Variants in JAK1 observed in about 807,000 individuals in gnomAD.
JAK1 encodes tyrosine-protein kinase JAK1.
JAK1 carries 16 observed loss-of-function variants against 136.6 expected under a neutral mutation model. The ratio of observed to expected loss-of-function variants is 0.12; its 90% CI spans 0.08 to 0.18. The LOEUF is 0.18. JAK1 is among the 10% of genes least tolerant of loss of function. The pLI is 1.00. For synonymous variants in JAK1, 492 were observed against 519.5 expected (o/e 0.95, Z 0.72); for missense variants, 859 against 1,450.1 (o/e 0.59, Z 6.62).
chr1:65,038,938 T>TTGTGTGTGTGTGTGTG (rs150814115), intron 2 of JAK1, among the ~76,000 whole-genome samples: 6,064 of 147,766 alleles, frequency 0.041, 172 homozygotes, highest in Admixed American at 0.12. Context: ...GCACCCAGTC[T>TTGTGTGTGTGTGTGTG]TGTGTGTGTG....
At chr1:65,011,340 G>A (rs57484022) in intron 2 of JAK1, among the ~76,000 whole-genome samples, 4,874 of 151,854 alleles carry the variant, frequency 0.032, 289 homozygotes, top group East Asian at 0.28. Flanking sequence ...GCTGGGTGTG[G>A]TAGTGCATGC....
At chr1:64,944,147 A>G (rs912602330) in intron 1 of JAK1, among the ~76,000 whole-genome samples, 1 of 147,834 alleles carries the variant, frequency 6.8e-6, no homozygotes, top group Non-Finnish European at 1.5e-5. Flanking sequence ...GCATGAACCC[A>G]GGAGGCGGAG....
intron 2 of JAK1, among the ~76,000 whole-genome samples, chr1:65,002,051 AC>A (rs1646763283): frequency 6.6e-6 from 1 of 151,656 alleles, no homozygotes; most frequent in African/African-American, 2.4e-5. Context: ...TCTTCCAACT[AC>A]TCCTTACAAT....
At chr1:64,878,848 A>G (rs868398332) in intron 4 of JAK1, among the ~76,000 whole-genome samples, 177 bp downstream of exon 4, 2 of 152,282 alleles carry the variant, frequency 1.3e-5, no homozygotes, top group East Asian at 1.9e-4. Flanking sequence ...GATCAAACTC[A>G]TCTTGAATTG....
chr1:64,954,956 C>T (rs1232197771), intron 1 of JAK1, among the ~76,000 whole-genome samples: 1 of 152,068 alleles, frequency 6.6e-6, no homozygotes, highest in Non-Finnish European at 1.5e-5. Flanking sequence ...CAATAACTTG[C>T]CCGAATTTAT....
chr1:64,851,201 G>A (rs917142499), intron 11 of JAK1, among the ~76,000 whole-genome samples: 2 of 152,186 alleles, frequency 1.3e-5, no homozygotes, highest in Non-Finnish European at 2.9e-5. Context: ...ATCTGTTCTG[G>A]TAAGAAAGGT....
chr1:65,032,058 T>G (rs542590664), intron 2 of JAK1, among the ~76,000 whole-genome samples: 18 of 151,678 alleles, frequency 1.2e-4, no homozygotes, highest in Admixed American at 9.2e-4. Context: ...CTCTGCCTCC[T>G]GGGTTCAAGC....
intron 1 of JAK1, among the ~76,000 whole-genome samples, chr1:64,944,504 T>G (rs940039901): frequency 1.3e-5 from 2 of 152,156 alleles, no homozygotes; most frequent in African/African-American, 4.8e-5. Context: ...AATAATAACA[T>G]ACAAGATTTA....
In JAK1 at chr1:64,857,685, T is replaced by C. The variant is rs750733172; in HGVS notation, c.1429A>G (p.Met477Val). The change falls in exon 10 of 25, where the codon ATG (methionine) becomes GTG (valine). Residue 477 changes from methionine (M) to valine (V), a missense_variant. Met to Val is a conservative substitution (Grantham distance 21). Transcript: ENST00000342505. ...WSCTDFDNIL[M>V]TVTCFEKSEQ... is the part of the protein sequence containing the mutation. ...GACTTCTCAAAGCAGGTGACGGTCA[T>C]GAGGATGTTGTCAAAGTCGGTGCAG... The C allele has an allele frequency of 6.2e-7, 1 of 1,614,198 alleles. No individual in the cohort carries two copies. The highest frequency in any genetic ancestry group is 8.5e-7 in the Non-Finnish European group (1 of 1,180,026).
chr1:64,879,061 T>G lies in JAK1; in HGVS notation c.293A>C (p.Asp98Ala). 1 of 1,614,084 alleles carries G rather than the reference T, an allele frequency of 6.2e-7. No individual in the cohort carries two copies. Among genetic ancestry groups the G allele is most frequent in the Non-Finnish European group, 8.5e-7 (1 of 1,180,000 alleles). ...WYAPNRTITV[D>A]DKMSLRLHYR... Reference sequence around the variant, plus strand: ...GTGGAGCCGGAGGGACATCTTGTCATCAACGGTGATGGTGCGATTTGGAGC... The same window carrying G: ...GTGGAGCCGGAGGGACATCTTGTCAGCAACGGTGATGGTGCGATTTGGAGC... Residue 98 changes from aspartate (D) to alanine (A), a missense_variant, in exon 4 of 25, where the codon GAT (aspartate) becomes GCT (alanine). Around this residue, in one of 4 missense-constraint regions of JAK1, gnomAD observed 353 missense variants for 494.0 expected, o/e 0.71. Coordinates refer to ENST00000342505, the MANE Select transcript of JAK1 (RefSeq NM_002227.4).
chr1:64,893,579 G>T (rs558491989), intron 1 of JAK1, among the ~76,000 whole-genome samples: 2 of 152,170 alleles, frequency 1.3e-5, no homozygotes, highest in African/African-American at 4.8e-5. Context: ...TACTTTACAG[G>T]GTTGTTGTGA....
chr1:65,033,992 A>G (rs1464823396), intron 2 of JAK1, among the ~76,000 whole-genome samples: 1 of 152,240 alleles, frequency 6.6e-6, no homozygotes, highest in East Asian at 1.9e-4. Flanking sequence ...TGCTTAATAA[A>G]TGATAATAGT....
chr1:64,905,246 G>A (rs1645171545), intron 1 of JAK1, among the ~76,000 whole-genome samples: 1 of 152,146 alleles, frequency 6.6e-6, no homozygotes. Context: ...GTGCGAGGAC[G>A]GTGACAGAGA....
chr1:65,061,721 C>T (rs1319111844), intron 1 of JAK1, among the ~76,000 whole-genome samples: 1 of 152,098 alleles, frequency 6.6e-6, no homozygotes, highest in Non-Finnish European at 1.5e-5. Flanking sequence ...GCTCAAATGT[C>T]CAATACTGCT....
chr1:64,969,027 T>C (rs1352137435), upstream of JAK1, among the ~76,000 whole-genome samples: 1 of 151,712 alleles, frequency 6.6e-6, no homozygotes, highest in East Asian at 1.9e-4. Context: ...GGAGGATCAC[T>C]TGAGCCCAGG....
Position 64,839,596 on chromosome 1 carries a change from A to T in JAK1, c.2842+7T>A, listed in dbSNP as rs1654761239. 1 of 1,612,098 alleles carries T rather than the reference A, an allele frequency of 6.2e-7. No homozygotes were observed. Among genetic ancestry groups the T allele is most frequent in the Non-Finnish European group, 8.5e-7 (1 of 1,178,756 alleles). On this transcript the variant is annotated splice_region_variant and intron_variant, in intron 20 of 24. Coordinates refer to ENST00000342505, the MANE Select transcript of JAK1 (RefSeq NM_002227.4). ...TTTAAACCGGACCCCAGCCTTGCAT[A>T]ACATACCGTCTTCTGTGCAGATTCC...
chr1:64,847,496 A>T, intron 13 of JAK1, 36 bp downstream of exon 13: 5 of 1,612,020 alleles, frequency 3.1e-6, no homozygotes, highest in Non-Finnish European at 4.2e-6. Flanking sequence ...CAGAAACGGG[A>T]GAGGGGAGGG....
At chr1:65,017,326 G>A (rs2100783596) in intron 2 of JAK1, among the ~76,000 whole-genome samples, 1 of 152,124 alleles carries the variant, frequency 6.6e-6, no homozygotes, top group Admixed American at 6.5e-5. Context: ...AAAATTAGCT[G>A]GGCATGGTGG....
At chr1:65,025,871 G>C (rs1646973941) in intron 2 of JAK1, among the ~76,000 whole-genome samples, 1 of 151,976 alleles carries the variant, frequency 6.6e-6, no homozygotes. Context: ...TAGAGATGGG[G>C]TTTTGCCATG....
Sources: allele counts gnomAD v4.1 joint callset (sites outside exome capture counted in the v4.1 genomes callset), GRCh38; gene constraint gnomAD v4.1.1; regional missense constraint gnomAD v4.1.1; transcripts MANE v1.5; gene names NCBI Gene and HGNC (gene_info 2026-07-23, HGNC 2026-07-21).